RFTN1: variants seen among roughly 807,000 people sequenced by gnomAD.
RFTN1 encodes the protein raftlin.
RFTN1 carries 26 observed loss-of-function variants against 46.5 expected under a neutral mutation model. The observed-to-expected ratio is 0.56, with a 90% CI of 0.41 to 0.78. The LOEUF is 0.78. Among genes scored for constraint, RFTN1 ranks in the 30% least tolerant of loss-of-function variants. The pLI is 0.00. For missense variants in RFTN1, 693 were observed against 718.7 expected (o/e 0.96, Z 0.41); for synonymous variants, 261 against 284.2 (o/e 0.92, Z 0.82).
Position 16,346,400 on chromosome 3 carries a change from G to A in RFTN1, c.1146+11532C>T, listed in dbSNP as rs996156739. On this transcript the variant is annotated intron_variant, in intron 7 of 9. Coordinates refer to ENST00000334133, the MANE Select transcript of RFTN1 (RefSeq NM_015150.2). The surrounding 1 kb of genome is among the most constrained non-coding windows in gnomAD (Gnocchi z 4.4). The stretch of plus-strand genomic sequence containing the variant: ...AGAAAATAGGACAATTGAGTTTATG[G>A]AAGAAAAAAGTGCAGATAAAGATTA... The A allele has an allele frequency of 2.0e-5, 3 of 152,130 alleles. No homozygotes were observed. The highest frequency in any genetic ancestry group is 7.2e-5 in the African/African-American group (3 of 41,434). 9.4% of individuals were successfully genotyped at this position (152,130 alleles called of 1,614,324 possible). A position where few individuals can be genotyped will look rare whatever the true frequency, so the allele number is the denominator to read the frequency against.
In RFTN1 at chr3:16,376,515, G is replaced by A. The variant is rs1390578414; in HGVS notation, c.826+1203C>T. Among the ~76,000 whole-genome samples the A allele has an allele frequency of 1.3e-5, 2 of 152,154 alleles. No individual in the cohort carries two copies. Reference sequence around the variant, plus strand: ...CCAGCCCAGCCTCCATGAGAAGATGGAGGTTTCTGGACTAAGACCTGGGCG... The same window carrying A: ...CCAGCCCAGCCTCCATGAGAAGATGAAGGTTTCTGGACTAAGACCTGGGCG... On this transcript the variant is annotated intron_variant, in intron 5 of 9. Coordinates refer to ENST00000334133, the MANE Select transcript of RFTN1 (RefSeq NM_015150.2). The surrounding 1 kb of genome is among the most constrained non-coding windows in gnomAD (Gnocchi z 4.7).
chr3:16,371,914 C>T (rs1517517), intron 5 of RFTN1, among the ~76,000 whole-genome samples: 8,266 of 152,086 alleles, frequency 0.054, 506 homozygotes, highest in Admixed American at 0.18. Context: ...AGAAATGGAG[C>T]GACACAGAGG....
At chr3:16,456,335 TGTG>T (rs2075904768) in intron 2 of RFTN1, among the ~76,000 whole-genome samples, 1 of 152,190 alleles carries the variant, frequency 6.6e-6, no homozygotes, top group Non-Finnish European at 1.5e-5. Flanking sequence ...TTCGGAGATC[TGTG>T]GTAGAAAGTA....
intron 3 of RFTN1, among the ~76,000 whole-genome samples, chr3:16,414,603 CAA>C (rs71632872): frequency 1.3e-4 from 15 of 112,322 alleles, no homozygotes; most frequent in Admixed American, 1.8e-4. Flanking sequence ...GACTTCATCT[CAA>C]AAAAAAAAAA....
rs79463850 is a variant in RFTN1, at chr3:16,336,663, A to AT, written c.1147-9788dup. ...GCTTTCATAATGTTCAAAGAGAATA[A>AT]TTTTTTTTTTTTAAAAAAGCTTAGT... On this transcript the variant is annotated intron_variant, in intron 7 of 9. Coordinates refer to ENST00000334133, the MANE Select transcript of RFTN1 (RefSeq NM_015150.2). This position sits in a 1 kb window ranked among gnomAD's most constrained non-coding sequence, Gnocchi z 6.0. Among the ~76,000 whole-genome samples, 261 of 149,664 alleles carry AT rather than the reference A, an allele frequency of 1.7e-3. 1 individual carries two copies. The highest frequency in any genetic ancestry group is 6.8e-3 in the Middle Eastern group (2 of 294).
chr3:16,365,691 C>T lies in RFTN1; in HGVS notation c.1030+4385G>A, dbSNP rs2073120430. Among the ~76,000 whole-genome samples, 4 of 152,156 alleles carry T rather than the reference C, an allele frequency of 2.6e-5. No homozygotes were observed. The South Asian group carries it at 8.3e-4, about 32-fold the overall frequency. ...CCTATGTGATGCAGTGTGGAGAACA[C>T]ATTGCCTGGAACGTATTCTTGTCAT... is the stretch of plus-strand genomic sequence containing the variant. On this transcript the variant is annotated intron_variant, in intron 6 of 9. Transcript: ENST00000334133.
rs1289891469 is a variant in RFTN1 at position 16,341,876 on chromosome 3, A to G, written c.1147-15000T>C. 6.6e-6 allele frequency among the ~76,000 whole-genome samples: 1 copy of G among 152,212 alleles called. No individual in the cohort carries two copies. The highest frequency in any genetic ancestry group is 1.5e-5 in the Non-Finnish European group (1 of 68,038). On this transcript the variant is annotated intron_variant, in intron 7 of 9. Coordinates refer to ENST00000334133, the MANE Select transcript of RFTN1 (RefSeq NM_015150.2). The surrounding 1 kb of genome is among the most constrained non-coding windows in gnomAD (Gnocchi z 4.7). ...GAGTATGATACCATTTTTGTAAAAA[A>G]TATGCAAATATAGATAGAATATACA...
chr3:16,383,250 T>C lies in RFTN1; in HGVS notation c.442-5148A>G. Among the ~76,000 whole-genome samples the C allele has an allele frequency of 6.6e-6, 1 of 152,168 alleles. No homozygotes were observed. The highest frequency in any genetic ancestry group is 1.5e-5 in the Non-Finnish European group (1 of 68,028). ...GCCAAGATGCCCAGGTGGATGCCTG[T>C]TTAAACTGATATACACCCTCACCCA... is the stretch of plus-strand genomic sequence containing the variant. On this transcript the variant is annotated intron_variant, in intron 4 of 9. Transcript: ENST00000334133. This position sits in a 1 kb window ranked among gnomAD's most constrained non-coding sequence, Gnocchi z 4.0.
At chr3:16,357,804 A>T in intron 7 of RFTN1, 128 bp downstream of exon 7, 1 of 667,696 alleles carries the variant, frequency 1.5e-6, no homozygotes, top group Non-Finnish European at 2.7e-6. Context: ...TCCTTCTAGG[A>T]CCTACCAGGT....
chr3:16,416,222 A>C (rs1275787019), intron 3 of RFTN1: 1 of 456,436 alleles, frequency 2.2e-6, no homozygotes, highest in South Asian at 1.6e-5. Context: ...CTGAAAATCA[A>C]GAATGAATAG....
intron 2 of RFTN1, among the ~76,000 whole-genome samples, chr3:16,486,095 C>T (rs1372672868): frequency 6.6e-6 from 1 of 152,176 alleles, no homozygotes; most frequent in Non-Finnish European, 1.5e-5. Flanking sequence ...CCCACCTCCT[C>T]CTCTGCTTTC....
chr3:16,445,505 A>T lies in RFTN1; in HGVS notation c.146-11468T>A, dbSNP rs1185715472. Among the ~76,000 whole-genome samples the T allele has an allele frequency of 5.1e-3, 776 of 151,096 alleles. 10 individuals carry two copies. The highest frequency in any genetic ancestry group is 0.018 in the African/African-American group (727 of 41,068). ...CTCTCACACACACACACACACACAC[A>T]CACACACACACACACAGCTCTCTAC... On this transcript the variant is annotated intron_variant, in intron 2 of 9. Transcript: ENST00000334133.
rs967443398 is a variant in RFTN1 at position 16,440,327 on chromosome 3, C to T, written c.146-6290G>A. Among the ~76,000 whole-genome samples the T allele has an allele frequency of 3.4e-4, 52 of 152,304 alleles. No individual in the cohort carries two copies. The highest frequency in any genetic ancestry group is 6.2e-4 in the Non-Finnish European group (42 of 68,026). On this transcript the variant is annotated intron_variant, in intron 2 of 9. Coordinates refer to ENST00000334133, the MANE Select transcript of RFTN1 (RefSeq NM_015150.2). The surrounding 1 kb of genome is among the most constrained non-coding windows in gnomAD (Gnocchi z 4.6). ...TCAAGTGATCCTCCTGCCTCAGCCC[C>T]CTGAGTAGCTGGGACTACAGGTGTG...
At chr3:16,497,445 T>C (rs2076643950) in intron 1 of RFTN1, among the ~76,000 whole-genome samples, 2 of 152,212 alleles carry the variant, frequency 1.3e-5, no homozygotes, top group Non-Finnish European at 2.9e-5. Context: ...GCGAAAGGAC[T>C]CTTCTCTCTA....
intron 1 of RFTN1, among the ~76,000 whole-genome samples, chr3:16,505,625 T>G (rs1327910341): frequency 6.6e-6 from 1 of 152,222 alleles, no homozygotes; most frequent in Non-Finnish European, 1.5e-5. Context: ...TTCCTTCTTG[T>G]GGATCTCAGT....
chr3:16,384,093 G>A lies in RFTN1; in HGVS notation c.442-5991C>T, dbSNP rs968830562. Among the ~76,000 whole-genome samples, 18 of 152,190 alleles carry A rather than the reference G, an allele frequency of 1.2e-4. No individual in the cohort carries two copies. The highest frequency in any genetic ancestry group is 3.9e-4 in the African/African-American group (16 of 41,432). On this transcript the variant is annotated intron_variant, in intron 4 of 9. Coordinates refer to ENST00000334133, the MANE Select transcript of RFTN1 (RefSeq NM_015150.2). The surrounding 1 kb of genome is among the most constrained non-coding windows in gnomAD (Gnocchi z 4.7). The stretch of plus-strand genomic sequence containing the variant: ...ATCAGGTGAAGGCTTTAAGAGCCAA[G>A]ACTGAGATTTCCCAAAGGAAAAAGA...
Position 16,344,897 on chromosome 3 carries a change from G to A in RFTN1, c.1146+13035C>T, listed in dbSNP as rs886660331. On this transcript the variant is annotated intron_variant, in intron 7 of 9. Coordinates refer to ENST00000334133, the MANE Select transcript of RFTN1 (RefSeq NM_015150.2). This position sits in a 1 kb window ranked among gnomAD's most constrained non-coding sequence, Gnocchi z 4.4. ...CACCCCCCAACCTTTTATGCTCACT[G>A]ATTTAATATACTTCAGTTCTCTCTG... Among the ~76,000 whole-genome samples the A allele has an allele frequency of 6.6e-6, 1 of 152,238 alleles. No individual in the cohort carries two copies. Among genetic ancestry groups the A allele is most frequent in the African/African-American group, 2.4e-5 (1 of 41,462 alleles).
At position 16,344,348 on chromosome 3, in the gene RFTN1, G is replaced by A. The variant is rs1189410788; in HGVS notation, c.1146+13584C>T. 1.3e-5 allele frequency among the ~76,000 whole-genome samples: 2 copies of A among 150,662 alleles called. No homozygotes were observed. Among genetic ancestry groups the A allele is most frequent in the Admixed American group, 6.6e-5 (1 of 15,134 alleles). On this transcript the variant is annotated intron_variant, in intron 7 of 9. Coordinates refer to ENST00000334133, the MANE Select transcript of RFTN1 (RefSeq NM_015150.2). This position sits in a 1 kb window ranked among gnomAD's most constrained non-coding sequence, Gnocchi z 4.4. ...TTTCAAGGTTTTTTTTTTTTAATTA[G>A]TAGGATGCTTCCTATAGGCATCAAC... is the stretch of plus-strand genomic sequence containing the variant.
chr3:16,354,819 C>G (rs1416049886), intron 7 of RFTN1, among the ~76,000 whole-genome samples: 1 of 152,238 alleles, frequency 6.6e-6, no homozygotes, highest in Non-Finnish European at 1.5e-5. Context: ...CCAAGAACAG[C>G]TACACTGCAC....
Sources: gnomAD v4.1 joint callset for allele counts (sites outside exome capture counted in the v4.1 genomes callset) on GRCh38, gnomAD v4.1.1 for gene constraint, Gnocchi (gnomAD v3.1) non-coding constraint, MANE v1.5 for transcripts, NCBI Gene and HGNC (gene_info 2026-07-23, HGNC 2026-07-21) for gene names.